Variants in PLEKHA5 observed in about 807,000 individuals in gnomAD.
The protein encoded by PLEKHA5 is pleckstrin homology domain containing A5.
PLEKHA5 carries 55 observed loss-of-function variants against 181.9 expected under a neutral mutation model. That is an observed-to-expected ratio of 0.30 (90% CI 0.24 to 0.38). The LOEUF (loss-of-function observed/expected upper bound fraction) is 0.38, where lower values mean the gene tolerates loss of function less well. PLEKHA5 is among the 10% of genes least tolerant of loss of function. PLEKHA5 has a pLI of 1.00. For missense variants in PLEKHA5, 1,432 were observed against 1,549.5 expected (o/e 0.92, Z 1.27); for synonymous variants, 535 against 529.4 (o/e 1.01, Z -0.15).
rs565481680 is a variant in PLEKHA5 at position 19,360,546 on chromosome 12, A to G, written c.3483+1000A>G. The stretch of plus-strand genomic sequence containing the variant: ...TTGAACCCGGGAGTCAGAGGTTGCA[A>G]TGAGCTGAGATCGCGCCACACTACC... On this transcript the variant is annotated intron_variant, in intron 28 of 31. Transcript: ENST00000429027. Among the ~76,000 whole-genome samples, 65 of 151,740 alleles carry G rather than the reference A, an allele frequency of 4.3e-4. No homozygotes were observed. The South Asian group carries it at 0.013, about 30-fold the overall frequency.
chr12:19,167,637 G>A (rs2044800002), intron 3 of PLEKHA5, among the ~76,000 whole-genome samples: 2 of 151,902 alleles, frequency 1.3e-5, no homozygotes, highest in Admixed American at 6.6e-5. Flanking sequence ...CTGTGCACTA[G>A]GTGATGTGTT....
intron 3 of PLEKHA5, among the ~76,000 whole-genome samples, chr12:19,133,392 G>A (rs1164326689): frequency 6.6e-6 from 1 of 151,730 alleles, no homozygotes; most frequent in Admixed American, 6.6e-5. Flanking sequence ...TTACCTAAGA[G>A]TTTGTTTTTA....
At chr12:19,294,001 T>C (rs1441873665) in intron 15 of PLEKHA5, among the ~76,000 whole-genome samples, 1 of 152,202 alleles carries the variant, frequency 6.6e-6, no homozygotes, top group African/African-American at 2.4e-5. Flanking sequence ...GCTTTTCCAG[T>C]AATTTATCTG....
intron 3 of PLEKHA5, chr12:19,150,717 T>G (rs980916739): frequency 2.0e-5 from 3 of 152,242 alleles, no homozygotes; most frequent in African/African-American, 7.2e-5. Flanking sequence ...ACTGGTGCAT[T>G]GCAGACACTT....
intron 3 of PLEKHA5, among the ~76,000 whole-genome samples, chr12:19,225,014 A>G (rs1037042187): frequency 6.6e-6 from 1 of 152,238 alleles, no homozygotes; most frequent in Non-Finnish European, 1.5e-5. Flanking sequence ...AGGGGAGAAA[A>G]GAATCTGTTA....
intron 3 of PLEKHA5, chr12:19,153,246 G>A (rs2040875516): frequency 6.6e-6 from 1 of 151,962 alleles, no homozygotes. Context: ...CTTTTATTAT[G>A]AGTTTAAGTA....
chr12:19,255,145 C>A lies in PLEKHA5; in HGVS notation c.412C>A (p.Pro138Thr), dbSNP rs2066507837. The A allele has an allele frequency of 2.5e-6, 4 of 1,601,972 alleles. No individual in the cohort carries two copies. The highest frequency in any genetic ancestry group is 3.4e-6 in the Non-Finnish European group (4 of 1,171,716). Reference sequence around the variant, plus strand: ...CGTGACTTCAGATTATGCAGTGCATCCAATGAGCCCTGTAGGCAGAGTAAG... The same window carrying A: ...CGTGACTTCAGATTATGCAGTGCATACAATGAGCCCTGTAGGCAGAGTAAG... ...YNVTSDYAVH[P>T]MSPVGRTSRA... Residue 138 changes from proline to threonine, a missense_variant, in exon 5 of 32, where the codon CCA becomes ACA. Physicochemically the swap from Pro to Thr is conservative, Grantham distance 38. This residue lies in a region of PLEKHA5 where 289 missense variants were observed against 381.1 expected (regional missense o/e 0.76). Transcript: ENST00000429027.
At chr12:19,210,959 A>G (rs2056773693) in intron 3 of PLEKHA5, among the ~76,000 whole-genome samples, 1 of 152,122 alleles carries the variant, frequency 6.6e-6, no homozygotes. Flanking sequence ...AAATTTTAAC[A>G]ATGACATTCA....
intron 3 of PLEKHA5, among the ~76,000 whole-genome samples, chr12:19,163,209 C>CTCTA (rs1295674198): frequency 6.6e-6 from 1 of 150,710 alleles, no homozygotes; most frequent in African/African-American, 2.4e-5. Flanking sequence ...TGGAGTCTCA[C>CTCTA]TCTATCGCCC....
Position 19,176,219 on chromosome 12 carries a change from C to G in PLEKHA5, c.227+43769C>G, listed in dbSNP as rs1203680074. ...CCCCCCCCCACCTTCCTCCCTCCCT[C>G]TGTCTTCCTCCCTCCCTCTGTCTCT... On this transcript the variant is annotated intron_variant, in intron 3 of 31. Coordinates refer to ENST00000429027, the MANE Select transcript of PLEKHA5 (RefSeq NM_001256470.2). 4.0e-5 allele frequency: 6 copies of G among 149,110 alleles called. No homozygotes were observed. The East Asian group carries it at 9.9e-4, about 25-fold the overall frequency. The allele number at this position is 149,110 out of a possible 1,614,324, so 9.2% of individuals were successfully genotyped here.
intron 3 of PLEKHA5, among the ~76,000 whole-genome samples, chr12:19,156,209 T>G (rs1255643289): frequency 6.6e-5 from 2 of 30,142 alleles, no homozygotes; most frequent in Non-Finnish European, 4.8e-4. Flanking sequence ...TTTTTTCCTT[T>G]TTTTGTTTTT....
intron 3 of PLEKHA5, among the ~76,000 whole-genome samples, chr12:19,147,770 C>T (rs2039314801): frequency 1.3e-5 from 2 of 152,148 alleles, no homozygotes; most frequent in African/African-American, 4.8e-5. Flanking sequence ...GGGTCTCACT[C>T]TGTTGCCCAA....
chr12:19,257,290 A>G (rs2067133055), intron 5 of PLEKHA5, 143 bp from the exon 6 acceptor site: 1 of 527,136 alleles, frequency 1.9e-6, no homozygotes, highest in Admixed American at 3.8e-5. Context: ...CAGCAAAAGT[A>G]GAATTTTAAT....
At chr12:19,311,304 T>C (rs1398773388) in intron 15 of PLEKHA5, among the ~76,000 whole-genome samples, 1 of 150,982 alleles carries the variant, frequency 6.6e-6, no homozygotes, top group East Asian at 1.9e-4. Flanking sequence ...GGATTAAAAA[T>C]GTACTTGCCT....
At chr12:19,251,568 G>A (rs1004946940) in intron 3 of PLEKHA5, among the ~76,000 whole-genome samples, 5 of 151,838 alleles carry the variant, frequency 3.3e-5, no homozygotes, top group African/African-American at 4.8e-5. Context: ...TTTGTTGGGT[G>A]CAGTTTTTTG....
At chr12:19,248,977 C>A (rs1288147424) in intron 3 of PLEKHA5, among the ~76,000 whole-genome samples, 1 of 152,102 alleles carries the variant, frequency 6.6e-6, no homozygotes, top group Non-Finnish European at 1.5e-5. Context: ...AAAGTAAGTT[C>A]CATGAGGGCA....
chr12:19,363,447 G>A (rs1175336512), intron 29 of PLEKHA5, among the ~76,000 whole-genome samples: 2 of 149,322 alleles, frequency 1.3e-5, no homozygotes, highest in East Asian at 2.0e-4. Flanking sequence ...TATTACAGGC[G>A]TGAGCCATCG....
chr12:19,218,756 A>G (rs183444552), intron 3 of PLEKHA5, among the ~76,000 whole-genome samples: 33 of 152,066 alleles, frequency 2.2e-4, no homozygotes, highest in African/African-American at 7.0e-4. Context: ...ATAGCTTTGA[A>G]TTATCTAATT....
chr12:19,134,227 G>C (rs2034929634), intron 3 of PLEKHA5, among the ~76,000 whole-genome samples: 1 of 151,918 alleles, frequency 6.6e-6, no homozygotes, highest in African/African-American at 2.4e-5. Context: ...TTTCTTTTAT[G>C]TTTACTTAAA....
Sources: gnomAD v4.1 joint callset for allele counts (sites outside exome capture counted in the v4.1 genomes callset) on GRCh38, gnomAD v4.1.1 for gene constraint, gnomAD v4.1.1 regional missense constraint, MANE v1.5 for transcripts, NCBI Gene and HGNC (gene_info 2026-07-23, HGNC 2026-07-21) for gene names.